UBR4: variants seen among roughly 807,000 people sequenced by gnomAD.
The protein encoded by UBR4 is E3 ubiquitin-protein ligase UBR4.
A neutral mutation model predicts 575.6 loss-of-function variants in UBR4; 124 were observed. The observed-to-expected ratio is 0.22, with a 90% CI of 0.19 to 0.25. The LOEUF (loss-of-function observed/expected upper bound fraction) is 0.25. Ranked by LOEUF, UBR4 falls within the 10% of genes least tolerant of loss-of-function variation. The pLI is 1.00. For missense variants in UBR4, 4,818 were observed against 6,478.8 expected, an observed-to-expected ratio of 0.74 and a Z score of 8.80; for synonymous variants, 2,455 against 2,473.7, an observed-to-expected ratio of 0.99 and a Z score of 0.22.
chr1:19,160,974 G>A lies in UBR4; in HGVS notation c.5349C>T (p.Pro1783=). 2 of 1,614,108 alleles carry A rather than the reference G, an allele frequency of 1.2e-6. No individual in the cohort carries two copies. Among genetic ancestry groups the A allele is most frequent in the Admixed American group, 1.7e-5 (1 of 60,018 alleles). ...CTGTGCGGCAGAGGCTGCTCTTCTT[G>A]GGCTTCTCTTCGTCAGCAACCTTTC... The part of the protein sequence containing the change: ...SDGKVADEEK[P]KKSSLCRTVE... Residue 1783 remains proline (P), a synonymous_variant, in exon 38 of 106, where the codon CCC becomes CCT. Transcript: ENST00000375254.
chr1:19,131,483 A>G (rs1191346164), intron 60 of UBR4, among the ~76,000 whole-genome samples: 1 of 152,210 alleles, frequency 6.6e-6, no homozygotes. Context: ...CAATATGGCT[A>G]GGTTACCTAA....
rs2081535493 is a variant in UBR4 at position 19,124,706 on chromosome 1, T to C, written c.9439-16A>G. 2 of 1,605,070 alleles carry C rather than the reference T, an allele frequency of 1.2e-6. No homozygotes were observed. Among genetic ancestry groups the C allele is most frequent in the Non-Finnish European group, 1.7e-6 (2 of 1,176,238 alleles). On this transcript the variant is annotated splice_polypyrimidine_tract_variant and intron_variant, in intron 64 of 105. Coordinates refer to ENST00000375254, the MANE Select transcript of UBR4 (RefSeq NM_020765.3). The stretch of plus-strand genomic sequence containing the variant: ...CAGCATGACCCTGGGAGAAGAAAAT[T>C]TGCATGAGAACCTGTGACTATCGAT...
intron 99 of UBR4, 115 bp from the exon 100 acceptor site, chr1:19,086,936 C>A: frequency 6.9e-7 from 1 of 1,442,974 alleles, no homozygotes; most frequent in Non-Finnish European, 9.3e-7. Context: ...TTTCAGGTTG[C>A]TCTCACTAGG....
Position 19,086,667 on chromosome 1 carries a change from G to C in UBR4, c.14687+12C>G, listed in dbSNP as rs747533430. Reference sequence around the variant, plus strand: ...CTACTGAAGGAGCCATTCCGCAAGAGCCAGGGCCTACCTGACGGCAGCCAG... The same window carrying C: ...CTACTGAAGGAGCCATTCCGCAAGACCCAGGGCCTACCTGACGGCAGCCAG... On this transcript the variant is annotated intron_variant, in intron 100 of 105. Transcript: ENST00000375254. 1.9e-6 allele frequency: 3 copies of C among 1,613,430 alleles called. No individual in the cohort carries two copies. The highest frequency in any genetic ancestry group is 2.2e-5 in the South Asian group (2 of 91,058).
intron 55 of UBR4, 137 bp from the exon 56 acceptor site, chr1:19,141,914 G>A (rs765133106): frequency 2.4e-6 from 3 of 1,243,024 alleles, no homozygotes; most frequent in African/African-American, 1.5e-5. Context: ...GAACTCCGGG[G>A]TGCTATGCCT....
intron 67 of UBR4, among the ~76,000 whole-genome samples, 171 bp from the exon 68 acceptor site, chr1:19,121,605 A>G (rs894500466): frequency 6.6e-6 from 1 of 152,204 alleles, no homozygotes; most frequent in Non-Finnish European, 1.5e-5. Flanking sequence ...GAAATCTCTG[A>G]AAAGTATTTT....
intron 25 of UBR4, 92 bp from the exon 26 acceptor site, chr1:19,170,975 C>G: frequency 6.4e-7 from 1 of 1,556,942 alleles, no homozygotes; most frequent in Non-Finnish European, 8.8e-7. Context: ...AACCCTATAT[C>G]TCAGTTTCCT....
intron 60 of UBR4, among the ~76,000 whole-genome samples, chr1:19,134,990 T>C (rs1407493323): frequency 2.0e-5 from 3 of 152,220 alleles, no homozygotes; most frequent in Non-Finnish European, 4.4e-5. Flanking sequence ...TTTTGTGTCC[T>C]ATTCAATAAA....
chr1:19,096,761 G>C, intron 91 of UBR4, 111 bp from the exon 92 acceptor site: 1 of 1,457,498 alleles, frequency 6.9e-7, no homozygotes, highest in African/African-American at 1.4e-5. Flanking sequence ...GCCCTTTTCC[G>C]TATCTCCAAT....
Position 19,100,793 on chromosome 1 carries a change from G to A in UBR4, c.13024-220C>T, listed in dbSNP as rs1054913302. On this transcript the variant is annotated intron_variant, in intron 88 of 105. Coordinates refer to ENST00000375254, the MANE Select transcript of UBR4 (RefSeq NM_020765.3). This position sits in a 1 kb window ranked among gnomAD's most constrained non-coding sequence, Gnocchi z 4.2. Reference sequence around the variant, plus strand: ...AGCATCTACCCTGAAACCCCAGGGTGGATTAGGAGATAAAGCCTAACAAAA... The same window carrying A: ...AGCATCTACCCTGAAACCCCAGGGTAGATTAGGAGATAAAGCCTAACAAAA... 2.6e-5 allele frequency among the ~76,000 whole-genome samples: 4 copies of A among 151,870 alleles called. No homozygotes were observed. The highest frequency in any genetic ancestry group is 5.9e-5 in the Non-Finnish European group (4 of 67,974).
At chr1:19,209,554 C>A (rs993865219) in intron 1 of UBR4, among the ~76,000 whole-genome samples, 1 of 152,092 alleles carries the variant, frequency 6.6e-6, no homozygotes, top group African/African-American at 2.4e-5. Context: ...AATCAAAGAC[C>A]GATACAGTAG....
At position 19,128,252 on chromosome 1, in the gene UBR4, G is replaced by A; in HGVS notation, c.9070C>T (p.Leu3024=). 1 of 1,614,088 alleles carries A rather than the reference G, an allele frequency of 6.2e-7. No homozygotes were observed. ...AACTCAGCAATAAGCTGGGAGAGCA[G>A]GTTGTCTAGGGCCCCCTTGTCTTTC... ...DEKDKGALDN[L]LSQLIAELGM... The change falls in exon 62 of 106, where the codon CTG becomes TTG. Residue 3024 remains leucine (L), a synonymous_variant. Transcript: ENST00000375254.
Position 19,139,113 on chromosome 1 carries a change from C to T in UBR4, c.8701G>A (p.Ala2901Thr). 1 of 1,613,880 alleles carries T rather than the reference C, an allele frequency of 6.2e-7. No individual in the cohort carries two copies. The highest frequency in any genetic ancestry group is 8.5e-7 in the Non-Finnish European group (1 of 1,179,902). Residue 2901 changes from alanine to threonine, a missense_variant, in exon 59 of 106, where the codon GCA (alanine) becomes ACA (threonine). Coordinates refer to ENST00000375254, the MANE Select transcript of UBR4 (RefSeq NM_020765.3). The surrounding 1 kb of genome is among the most constrained non-coding windows in gnomAD (Gnocchi z 4.2). ...TGCTCGCCAGCCACTGAGTCCACTGCACTGCCCCCGCTCTCCGAGCCCACA... is the reference window on the plus strand; with the variant it reads ...TGCTCGCCAGCCACTGAGTCCACTGTACTGCCCCCGCTCTCCGAGCCCACA... ...GSVGSESGGS[A>T]VDSVAGEHSV...
chr1:19,114,038 T>A lies in UBR4; in HGVS notation c.11235A>T (p.Lys3745Asn), dbSNP rs774224096. Residue 3745 changes from lysine to asparagine, a missense_variant, in exon 76 of 106, where the codon AAA becomes AAT. By Grantham distance (94) the Lys-to-Asn change is moderately conservative. Coordinates refer to ENST00000375254, the MANE Select transcript of UBR4 (RefSeq NM_020765.3). The part of the protein sequence containing the change: ...AVSNINTLLD[K>N]ADRVYHQLMG... ...TCAGCTGATGATACACTCGATCAGCTTTGTCCAAAAGTGTATTGATGTTGG... is the reference window on the plus strand; with the variant it reads ...TCAGCTGATGATACACTCGATCAGCATTGTCCAAAAGTGTATTGATGTTGG... The A allele has an allele frequency of 6.2e-7, 1 of 1,614,056 alleles. No homozygotes were observed. Among genetic ancestry groups the A allele is most frequent in the Admixed American group, 1.7e-5 (1 of 60,008 alleles).
chr1:19,077,907 G>A, intron 104 of UBR4, 69 bp downstream of exon 104: 1 of 1,611,696 alleles, frequency 6.2e-7, no homozygotes, highest in Non-Finnish European at 8.5e-7. Flanking sequence ...CTGAGGCAGA[G>A]TCAGGGACAG....
At position 19,152,382 on chromosome 1, in the gene UBR4, T is replaced by C. The variant is rs764996127; in HGVS notation, c.6927A>G (p.Leu2309=). ...TDVEFGGNDL[L]QVYNAQQIKH... ...TTATCTGTTGTGCATTATAGACCTG[T>C]AGGAGGTCGTTACCACCAAACTCCA... The change falls in exon 47 of 106, where the codon CTA becomes CTG. Residue 2309 remains leucine (L), a synonymous_variant. Transcript: ENST00000375254. The surrounding 1 kb of genome is among the most constrained non-coding windows in gnomAD (Gnocchi z 4.4). 1.9e-6 allele frequency: 3 copies of C among 1,613,952 alleles called. No homozygotes were observed. The highest frequency in any genetic ancestry group is 1.7e-6 in the Non-Finnish European group (2 of 1,179,848).
chr1:19,186,490 T>C, intron 14 of UBR4, 50 bp downstream of exon 14: 1 of 1,545,868 alleles, frequency 6.5e-7, no homozygotes, highest in Non-Finnish European at 8.9e-7. Context: ...AGAACACTCC[T>C]GTTGCACTCT....
Position 19,122,923 on chromosome 1 carries a change from C to T in UBR4, c.9726G>A (p.Lys3242=), listed in dbSNP as rs771076049. The change falls in exon 66 of 106, where the codon AAG becomes AAA. Residue 3242 remains lysine, a synonymous_variant. Coordinates refer to ENST00000375254, the MANE Select transcript of UBR4 (RefSeq NM_020765.3). ...GGAATATCCCCTGCTCTTCTAGCAG[C>T]TTCTTGATCCCACGCACGTGAGAGT... is the stretch of plus-strand genomic sequence containing the variant. The part of the protein sequence containing the change: ...TLDSHVRGIK[K]LLEEQGIFLR... 5 of 1,614,236 alleles carry T rather than the reference C, an allele frequency of 3.1e-6. No homozygotes were observed. The highest frequency in any genetic ancestry group is 2.5e-6 in the Non-Finnish European group (3 of 1,180,038).
Position 19,112,591 on chromosome 1 carries a change from A to T in UBR4, c.11734T>A (p.Tyr3912Asn), listed in dbSNP as rs1410189052. ...SQGLIRELFD[Y>N]NLRRGAAAMR... Reference sequence around the variant, plus strand: ...GCCGCAGCCCCTCGGCGAAGATTATAATCAAAGAGCTCCCGGATAAGGCCC... The same window carrying T: ...GCCGCAGCCCCTCGGCGAAGATTATTATCAAAGAGCTCCCGGATAAGGCCC... The change falls in exon 78 of 106, where the codon TAT (tyrosine) becomes AAT (asparagine). Residue 3912 changes from tyrosine (Y) to asparagine (N), a missense_variant. By Grantham distance (143) the Tyr-to-Asn change is moderately radical. Transcript: ENST00000375254. 1 of 1,614,256 alleles carries T rather than the reference A, an allele frequency of 6.2e-7. No homozygotes were observed. The highest frequency in any genetic ancestry group is 1.1e-5 in the South Asian group (1 of 91,090).
Sources: gnomAD v4.1 joint callset for allele counts (sites outside exome capture counted in the v4.1 genomes callset) on GRCh38, gnomAD v4.1.1 for gene constraint, Gnocchi (gnomAD v3.1) non-coding constraint, MANE v1.5 for transcripts, NCBI Gene and HGNC (gene_info 2026-07-23, HGNC 2026-07-21) for gene names.